Variants in CNTNAP2 observed in about 807,000 individuals in gnomAD.
CNTNAP2 encodes contactin associated protein 2.
A neutral mutation model predicts 155.2 loss-of-function variants in CNTNAP2; 98 were observed. The observed-to-expected ratio is 0.63, with a 90% CI of 0.54 to 0.75. CNTNAP2 has a LOEUF of 0.75. Among genes scored for constraint, CNTNAP2 ranks in the 30% least tolerant of loss-of-function variants. The probability of loss-of-function intolerance (pLI) is 0.00; values close to 1 mark genes in which losing one functional copy is unlikely to be tolerated. For missense variants in CNTNAP2, 1,727 were observed against 1,688.1 expected (o/e 1.02, Z -0.40); for synonymous variants, 651 against 631.2 (o/e 1.03, Z -0.47).
chr7:146,312,648 C>A (rs540886248), intron 1 of CNTNAP2, among the ~76,000 whole-genome samples: 11 of 152,120 alleles, frequency 7.2e-5, no homozygotes, highest in Non-Finnish European at 1.2e-4. Context: ...ACATACAATG[C>A]ATTACATCAC....
chr7:146,349,829 G>A (rs1048763343), intron 1 of CNTNAP2, among the ~76,000 whole-genome samples: 3 of 152,074 alleles, frequency 2.0e-5, no homozygotes, highest in Admixed American at 6.5e-5. Flanking sequence ...AGTTTCTACC[G>A]AGAGATCCGC....
intron 8 of CNTNAP2, among the ~76,000 whole-genome samples, chr7:147,280,317 G>A (rs1315872840): frequency 6.6e-6 from 1 of 151,816 alleles, no homozygotes; most frequent in East Asian, 1.9e-4. Flanking sequence ...TCTTTGCACA[G>A]TTCAGAGACA....
intron 1 of CNTNAP2, among the ~76,000 whole-genome samples, chr7:146,146,741 A>G (rs1490997015): frequency 6.6e-6 from 1 of 152,212 alleles, no homozygotes; most frequent in Non-Finnish European, 1.5e-5. Context: ...ATTTATTAAT[A>G]GCTAAACAAT....
At chr7:147,688,222 T>C (rs1796040752) in intron 13 of CNTNAP2, among the ~76,000 whole-genome samples, 1 of 151,996 alleles carries the variant, frequency 6.6e-6, no homozygotes, top group African/African-American at 2.4e-5. Context: ...TTGCTGGAAA[T>C]AAAGAGAGAA....
intron 8 of CNTNAP2, among the ~76,000 whole-genome samples, chr7:147,208,637 T>C (rs1287449525): frequency 1.3e-5 from 2 of 152,076 alleles, no homozygotes; most frequent in African/African-American, 4.8e-5. Flanking sequence ...TTAAAAATTA[T>C]AATTCTAACC....
At chr7:147,177,428 C>T (rs1227477243) in intron 8 of CNTNAP2, among the ~76,000 whole-genome samples, 2 of 152,046 alleles carry the variant, frequency 1.3e-5, no homozygotes, top group East Asian at 1.9e-4. Flanking sequence ...AGGTGCCTTC[C>T]GCCGTGATTC....
chr7:147,889,598 G>A (rs1186490259), intron 13 of CNTNAP2, among the ~76,000 whole-genome samples: 1 of 152,130 alleles, frequency 6.6e-6, no homozygotes, highest in African/African-American at 2.4e-5. Context: ...GAAAGATATA[G>A]TATTATAGAA....
chr7:146,511,071 AT>A (rs973723639), intron 1 of CNTNAP2, among the ~76,000 whole-genome samples: 6 of 151,166 alleles, frequency 4.0e-5, no homozygotes, highest in Non-Finnish European at 5.9e-5. Flanking sequence ...TAATTTTTGT[AT>A]TTTTTTTAGT....
intron 8 of CNTNAP2, among the ~76,000 whole-genome samples, chr7:147,261,643 A>G (rs1804468740): frequency 6.6e-6 from 1 of 152,156 alleles, no homozygotes; most frequent in Non-Finnish European, 1.5e-5. Flanking sequence ...TAACACAAAT[A>G]TTATTTGAAT....
At chr7:146,395,156 A>G (rs544108084) in intron 1 of CNTNAP2, among the ~76,000 whole-genome samples, 1 of 152,308 alleles carries the variant, frequency 6.6e-6, no homozygotes, top group African/African-American at 2.4e-5. Context: ...TGATGGACAC[A>G]TAGGTGGATT....
At chr7:147,617,788 A>G (rs919704996) in intron 12 of CNTNAP2, among the ~76,000 whole-genome samples, 2 of 152,208 alleles carry the variant, frequency 1.3e-5, no homozygotes, top group African/African-American at 2.4e-5. Context: ...AATAGAAGAA[A>G]GTCAAGATGG....
chr7:147,261,501 C>T (rs1211075526), intron 8 of CNTNAP2, among the ~76,000 whole-genome samples: 1 of 151,710 alleles, frequency 6.6e-6, no homozygotes, highest in Non-Finnish European at 1.5e-5. Flanking sequence ...TATTTGGAAG[C>T]TCTAGAGAGA....
At chr7:146,359,209 A>G (rs577514068) in intron 1 of CNTNAP2, among the ~76,000 whole-genome samples, 22 of 152,378 alleles carry the variant, frequency 1.4e-4, no homozygotes, top group East Asian at 1.2e-3. Flanking sequence ...AGGCATAGAC[A>G]TGCCACTTGG....
In CNTNAP2 at chr7:146,144,379, T is replaced by A. The variant is rs1797926933; in HGVS notation, c.97+27406T>A. 2.0e-5 allele frequency among the ~76,000 whole-genome samples: 3 copies of A among 152,302 alleles called. No homozygotes were observed. In the South Asian group the frequency reaches 6.2e-4, roughly 32 times the overall value. On this transcript the variant is annotated intron_variant, in intron 1 of 23. Transcript: ENST00000361727. ...ATTGCCCAGGCTGCTCTTGAACTCC[T>A]GAGCTCAAGCCTTCTGCCTGCTTCA...
chr7:147,387,765 C>G (rs1456403263), intron 9 of CNTNAP2, among the ~76,000 whole-genome samples: 2 of 152,044 alleles, frequency 1.3e-5, no homozygotes, highest in Non-Finnish European at 2.9e-5. Flanking sequence ...TGTATTTACC[C>G]TATTGTGCTA....
At chr7:147,822,428 T>A (rs960180206) in intron 13 of CNTNAP2, among the ~76,000 whole-genome samples, 1 of 152,126 alleles carries the variant, frequency 6.6e-6, no homozygotes, top group African/African-American at 2.4e-5. Context: ...ATCCCATGAA[T>A]AAATCCAAAA....
intron 3 of CNTNAP2, among the ~76,000 whole-genome samples, chr7:146,878,536 T>C (rs1670370735): frequency 6.6e-6 from 1 of 152,076 alleles, no homozygotes. Context: ...ATCTTTTTAA[T>C]ATCATAAAGC....
intron 3 of CNTNAP2, among the ~76,000 whole-genome samples, chr7:147,035,382 T>A (rs1016746743): frequency 1.3e-5 from 2 of 152,228 alleles, no homozygotes. Context: ...ATGGAAAATC[T>A]ATTTCTACAT....
intron 13 of CNTNAP2, among the ~76,000 whole-genome samples, chr7:147,866,632 G>T (rs1313242744): frequency 1.3e-5 from 2 of 152,144 alleles, no homozygotes; most frequent in African/African-American, 2.4e-5. Context: ...ATATATTTCG[G>T]ATAGTTAGCT....
Sources: allele counts gnomAD v4.1 joint callset (sites outside exome capture counted in the v4.1 genomes callset), GRCh38; gene constraint gnomAD v4.1.1; transcripts MANE v1.5; gene names NCBI Gene and HGNC (gene_info 2026-07-23, HGNC 2026-07-21).